SCN8A: variants seen among roughly 807,000 people sequenced by gnomAD.
SCN8A encodes sodium voltage-gated channel alpha subunit 8.
A neutral mutation model predicts 184.1 loss-of-function variants in SCN8A; 30 were observed. That is an observed-to-expected ratio of 0.16 (90% CI 0.12 to 0.22). SCN8A has a LOEUF of 0.22. SCN8A is among the 10% of genes least tolerant of loss of function. The pLI is 1.00. For missense variants in SCN8A, 1,057 were observed against 2,498.9 expected (o/e 0.42, Z 12.30); for synonymous variants, 852 against 907.0 (o/e 0.94, Z 1.09).
intron 21 of SCN8A, among the ~76,000 whole-genome samples, chr12:51,784,624 TGGATTTTATA>T (rs1340551325): frequency 1.3e-5 from 2 of 152,200 alleles, no homozygotes; most frequent in South Asian, 4.1e-4. Context: ...TATAAAACTT[TGGATTTTATA>T]GGATTTTATA....
At chr12:51,702,050 G>A (rs780163677) in intron 8 of SCN8A, among the ~76,000 whole-genome samples, 7 of 152,080 alleles carry the variant, frequency 4.6e-5, no homozygotes, top group Non-Finnish European at 1.0e-4. Flanking sequence ...CTGGCCAGGC[G>A]CGGTGGCTCA....
At chr12:51,645,957 A>ATAATAAT (rs1555212637) in intron 1 of SCN8A, among the ~76,000 whole-genome samples, 3 of 22,666 alleles carry the variant, frequency 1.3e-4, no homozygotes, top group African/African-American at 2.4e-4. Flanking sequence ...AATTAAAAAA[A>ATAATAAT]AAAAAAAATA....
At chr12:51,636,526 G>A (rs963244932) in intron 1 of SCN8A, among the ~76,000 whole-genome samples, 1 of 152,208 alleles carries the variant, frequency 6.6e-6, no homozygotes, top group East Asian at 1.9e-4. Context: ...CTATGGGTGT[G>A]TAGAAAGGTG....
At chr12:51,741,679 A>T (rs1156978156) in intron 12 of SCN8A, among the ~76,000 whole-genome samples, 2 of 152,060 alleles carry the variant, frequency 1.3e-5, no homozygotes, top group East Asian at 1.9e-4. Flanking sequence ...AAATATTATT[A>T]ATGTCTCATA....
At chr12:51,734,065 T>G (rs1014762462) in intron 12 of SCN8A, among the ~76,000 whole-genome samples, 2 of 152,230 alleles carry the variant, frequency 1.3e-5, no homozygotes, top group African/African-American at 4.8e-5. Context: ...TCATTCCACA[T>G]TCATTTATTT....
chr12:51,693,620 C>A (rs544122298), intron 6 of SCN8A, among the ~76,000 whole-genome samples: 22 of 152,256 alleles, frequency 1.4e-4, no homozygotes, highest in Admixed American at 1.2e-3. Flanking sequence ...GCATTCCAAC[C>A]TGGGCAGCAT....
At chr12:51,649,126 A>G (rs1290483220) in intron 1 of SCN8A, among the ~76,000 whole-genome samples, 3 of 152,204 alleles carry the variant, frequency 2.0e-5, no homozygotes, top group African/African-American at 4.8e-5. Context: ...AAAGCTCCCA[A>G]GTGATCTCCT....
intron 1 of SCN8A, among the ~76,000 whole-genome samples, chr12:51,607,057 C>T (rs1939610878): frequency 1.3e-5 from 2 of 151,984 alleles, no homozygotes; most frequent in Non-Finnish European, 2.9e-5. Context: ...GCCACCACAC[C>T]TGGCTATTTT....
chr12:51,633,312 A>G (rs1472453762), intron 1 of SCN8A, among the ~76,000 whole-genome samples: 1 of 152,206 alleles, frequency 6.6e-6, no homozygotes. Flanking sequence ...AAGAGAAATA[A>G]TCTCTTATCT....
At chr12:51,754,002 A>C (rs1208977334) in intron 14 of SCN8A, among the ~76,000 whole-genome samples, 1 of 151,978 alleles carries the variant, frequency 6.6e-6, no homozygotes, top group Non-Finnish European at 1.5e-5. Context: ...CTGTAGACAT[A>C]CAGAAAGATG....
intron 2 of SCN8A, among the ~76,000 whole-genome samples, chr12:51,668,049 G>T (rs148958850): frequency 0.02 from 3,007 of 152,034 alleles, 51 homozygotes; most frequent in South Asian, 0.072. Flanking sequence ...CAGGTGTGGT[G>T]GTGCATGCCT....
intron 8 of SCN8A, 51 bp from the exon 9 acceptor site, chr12:51,702,722 G>C: frequency 6.9e-7 from 1 of 1,439,100 alleles, no homozygotes. Context: ...CCAAGGTCAT[G>C]GCTGGGTGGA....
chr12:51,605,810 C>G (rs545920483), intron 1 of SCN8A, among the ~76,000 whole-genome samples: 1 of 152,220 alleles, frequency 6.6e-6, no homozygotes, highest in African/African-American at 2.4e-5. Context: ...GGTGGTATTG[C>G]ATTGTGGTTT....
At chr12:51,747,089 ATGTGTGTGTGTGTGTGTGTG>A (rs60490453) in intron 13 of SCN8A, among the ~76,000 whole-genome samples, 2 of 81,242 alleles carry the variant, frequency 2.5e-5, no homozygotes, top group South Asian at 3.4e-4. Flanking sequence ...CTCTGTGTGT[ATGTGTGTGTGTGTGTGTGTG>A]TGTGTGTGTG....
At chr12:51,784,173 C>T (rs1478531503) in intron 21 of SCN8A, among the ~76,000 whole-genome samples, 1 of 152,222 alleles carries the variant, frequency 6.6e-6, no homozygotes, top group East Asian at 1.9e-4. Flanking sequence ...ATGATCATTA[C>T]ATATGGAGCA....
At chr12:51,623,229 A>G (rs1940001763) in intron 1 of SCN8A, among the ~76,000 whole-genome samples, 1 of 152,200 alleles carries the variant, frequency 6.6e-6, no homozygotes, top group African/African-American at 2.4e-5. Context: ...CTCAGTGAAT[A>G]GAGTTAGGAA....
At chr12:51,708,168 G>A (rs1205488509) in intron 11 of SCN8A, among the ~76,000 whole-genome samples, 1 of 152,132 alleles carries the variant, frequency 6.6e-6, no homozygotes, top group East Asian at 1.9e-4. Flanking sequence ...TTTAAGAATT[G>A]CATTTAATTA....
intron 12 of SCN8A, among the ~76,000 whole-genome samples, chr12:51,742,801 T>C (rs1942448387): frequency 6.6e-6 from 1 of 152,154 alleles, no homozygotes; most frequent in Non-Finnish European, 1.5e-5. Context: ...CCGTATCTCT[T>C]TCTCTACGTC....
At chr12:51,717,675 C>T (rs1300063444) in intron 11 of SCN8A, among the ~76,000 whole-genome samples, 1 of 152,168 alleles carries the variant, frequency 6.6e-6, no homozygotes, top group Non-Finnish European at 1.5e-5. Context: ...TACCACACAG[C>T]GTATGTGTCC....
Sources: gnomAD v4.1 joint callset for allele counts (sites outside exome capture counted in the v4.1 genomes callset) on GRCh38, gnomAD v4.1.1 for gene constraint, MANE v1.5 for transcripts, NCBI Gene and HGNC (gene_info 2026-07-23, HGNC 2026-07-21) for gene names.